The following ACSBG1 variants were observed in gnomAD, a reference collection of about 807,000 sequenced individuals.
The protein encoded by ACSBG1 is long-chain-fatty-acid--CoA ligase ACSBG1.
Under a neutral mutation model 80.2 loss-of-function variants are expected in ACSBG1, and 39 were observed. The observed-to-expected ratio is 0.49, with a 90% CI of 0.38 to 0.64. ACSBG1 has a LOEUF of 0.64. Ranked by LOEUF, ACSBG1 falls within the 30% of genes least tolerant of loss-of-function variation. The pLI, the probability that ACSBG1 is intolerant of heterozygous loss-of-function variation, is 0.00. For missense variants in ACSBG1, 828 were observed against 966.4 expected (o/e 0.86, Z 1.90); for synonymous variants, 392 against 379.5 (o/e 1.03, Z -0.38).
intron 1 of ACSBG1, 151 bp from the exon 2 acceptor site, chr15:78,208,253 G>T: frequency 6.0e-6 from 4 of 662,902 alleles, no homozygotes; most frequent in Non-Finnish European, 1.1e-5. Context: ...CCACAGAGGA[G>T]AACCCAGTGG....
At chr15:78,209,025 C>T (rs769943092) in intron 1 of ACSBG1, 9 of 402,298 alleles carry the variant, frequency 2.2e-5, no homozygotes, top group East Asian at 7.2e-5. Flanking sequence ...CAGCATGCAA[C>T]CTGTGCAGCT....
chr15:78,180,660 C>A, intron 9 of ACSBG1, 95 bp downstream of exon 9: 1 of 1,485,390 alleles, frequency 6.7e-7, no homozygotes, highest in African/African-American at 1.4e-5. Context: ...GCCACTGGAA[C>A]CGGGACAGGC....
At chr15:78,196,353 C>T (rs1182542922) in intron 2 of ACSBG1, among the ~76,000 whole-genome samples, 1 of 152,204 alleles carries the variant, frequency 6.6e-6, no homozygotes, top group East Asian at 1.9e-4. Flanking sequence ...AAGTCCATGC[C>T]CAGACCAGAA....
intron 8 of ACSBG1, chr15:78,181,231 C>T (rs988940841): frequency 1.7e-5 from 7 of 403,384 alleles, no homozygotes; most frequent in African/African-American, 8.1e-5. Context: ...CCATTCCCCT[C>T]GGCAGCATAT....
intron 2 of ACSBG1, among the ~76,000 whole-genome samples, chr15:78,197,271 A>AC (rs2141352626): frequency 6.6e-6 from 1 of 152,208 alleles, no homozygotes; most frequent in South Asian, 2.1e-4. Context: ...TGGAATAGGC[A>AC]CAAGAGATCT....
At chr15:78,200,326 G>A (rs2075155432) in intron 2 of ACSBG1, among the ~76,000 whole-genome samples, 1 of 151,998 alleles carries the variant, frequency 6.6e-6, no homozygotes, top group South Asian at 2.1e-4. Flanking sequence ...CCTTGGGAAG[G>A]GTGACAAGGC....
At chr15:78,199,699 G>A (rs28600805) in intron 2 of ACSBG1, among the ~76,000 whole-genome samples, 4 of 142,704 alleles carry the variant, frequency 2.8e-5, no homozygotes, top group African/African-American at 7.9e-5. Flanking sequence ...GTCTTGCTAT[G>A]TTGCCCAGGC....
At chr15:78,179,836 C>CACAA in intron 9 of ACSBG1, 56 bp from the exon 10 acceptor site, 1 of 1,285,364 alleles carries the variant, frequency 7.8e-7, no homozygotes, top group Non-Finnish European at 1.1e-6. Flanking sequence ...CACACACACA[C>CACAA]ACACACATAC....
In ACSBG1 at chr15:78,230,820, T is replaced by A. The variant is rs562918589; in HGVS notation, c.131+3551A>T. 2.7e-5 allele frequency among the ~76,000 whole-genome samples: 4 copies of A among 146,156 alleles called. No homozygotes were observed. In the South Asian group the frequency reaches 6.9e-4, roughly 25 times the overall value. On this transcript the variant is annotated intron_variant, in intron 1 of 13. Transcript: ENST00000258873. ...CATGGAACTGTAAGTCCAATAAACT[T>A]CTTTCTTTTGTAAACTTCCCCGTCT...
intron 2 of ACSBG1, among the ~76,000 whole-genome samples, chr15:78,197,643 C>T (rs1285897857): frequency 6.0e-5 from 9 of 150,764 alleles, no homozygotes; most frequent in African/African-American, 1.2e-4. Context: ...TGCTTGAACC[C>T]GGGAGGTGGA....
chr15:78,218,586 G>A (rs2075331708), intron 1 of ACSBG1, among the ~76,000 whole-genome samples: 1 of 152,094 alleles, frequency 6.6e-6, no homozygotes, highest in South Asian at 2.1e-4. Flanking sequence ...TATGTGCCAG[G>A]CACTGTTCCA....
At chr15:78,223,731 T>A (rs2075377544) in intron 1 of ACSBG1, among the ~76,000 whole-genome samples, 2 of 152,348 alleles carry the variant, frequency 1.3e-5, no homozygotes, top group Non-Finnish European at 2.9e-5. Context: ...TTAGCTTATA[T>A]GGCAAAAACT....
At chr15:78,197,447 G>A (rs2075124585) in intron 2 of ACSBG1, among the ~76,000 whole-genome samples, 1 of 152,126 alleles carries the variant, frequency 6.6e-6, no homozygotes, top group African/African-American at 2.4e-5. Context: ...GGGCCCGCAT[G>A]GTGGCTTACG....
At chr15:78,224,374 A>G (rs2075383367) in intron 1 of ACSBG1, among the ~76,000 whole-genome samples, 1 of 152,208 alleles carries the variant, frequency 6.6e-6, no homozygotes, top group Admixed American at 6.5e-5. Flanking sequence ...ATGATTTGTT[A>G]AGCAGCAATA....
chr15:78,199,516 T>C (rs1429277956), intron 2 of ACSBG1, among the ~76,000 whole-genome samples: 2 of 152,006 alleles, frequency 1.3e-5, no homozygotes, highest in Admixed American at 1.3e-4. Context: ...TAGAGAGACC[T>C]TGTCTCTACA....
chr15:78,180,878 CG>C lies in ACSBG1; in HGVS notation c.1129del (p.Arg377GlyfsTer31). The stretch of plus-strand genomic sequence containing the variant: ...GCGCTCCATGATCTTCTCCCATACC[CG>C]GGGCACCCCCATGTGTGATGTGGGC... Reference protein sequence around the residue: ...VEPTSHMGVPRVWEKIMERIQ... With the variant: ...VEPTSHMGVPXVWEKIMERIQ... On this transcript the variant is annotated frameshift_variant, in exon 9 of 14. Transcript: ENST00000258873. LOFTEE classifies it high-confidence loss of function. 6.2e-7 allele frequency: 1 copy of C among 1,614,240 alleles called. No individual in the cohort carries two copies. The highest frequency in any genetic ancestry group is 1.1e-5 in the South Asian group (1 of 91,084).
At chr15:78,180,588 C>T (rs889721725) in intron 9 of ACSBG1, among the ~76,000 whole-genome samples, 167 bp downstream of exon 9, 5 of 152,184 alleles carry the variant, frequency 3.3e-5, no homozygotes, top group East Asian at 1.9e-4. Context: ...CCCTGGGAAA[C>T]GCACAGGAGC....
At chr15:78,219,169 T>A (rs1036121299) in intron 1 of ACSBG1, among the ~76,000 whole-genome samples, 5 of 152,120 alleles carry the variant, frequency 3.3e-5, no homozygotes, top group Non-Finnish European at 4.4e-5. Flanking sequence ...CTCTATGAGG[T>A]CCTTGGCACC....
rs760628128 is a variant in ACSBG1 at position 78,234,552 on chromosome 15, A to G, written c.-51T>C. On this transcript the variant is annotated 5_prime_UTR_variant, in exon 1 of 14. Coordinates refer to ENST00000258873, the MANE Select transcript of ACSBG1 (RefSeq NM_015162.5). ...GCTCAGTCACCCACTGAGAGAGGCT[A>G]GCCTTGAGTGAGCAGTGGGGGTGGG... 6.5e-7 allele frequency: 1 copy of G among 1,532,890 alleles called. No individual in the cohort carries two copies. Among genetic ancestry groups the G allele is most frequent in the Admixed American group, 1.7e-5 (1 of 57,822 alleles). The allele number at this position is 1,532,890 out of a possible 1,614,324, so 95.0% of individuals were successfully genotyped here. A position where few individuals can be genotyped will look rare whatever the true frequency, so the allele number is the denominator to read the frequency against.
Sources: allele counts gnomAD v4.1 joint callset (sites outside exome capture counted in the v4.1 genomes callset), GRCh38; gene constraint gnomAD v4.1.1; transcripts MANE v1.5; gene names NCBI Gene and HGNC (gene_info 2026-07-23, HGNC 2026-07-21).